The following RALYL variants were observed in gnomAD, a reference collection of about 807,000 sequenced individuals.
RALYL encodes RNA-binding Raly-like protein.
A neutral mutation model predicts 35.1 loss-of-function variants in RALYL; 29 were observed. That is an observed-to-expected ratio of 0.83 (90% CI 0.61 to 1.13). The LOEUF (loss-of-function observed/expected upper bound fraction) is 1.13. RALYL is among the 50% of genes most tolerant of loss of function. The probability of loss-of-function intolerance (pLI) is 0.00; values close to 1 mark genes in which losing one functional copy is unlikely to be tolerated. For synonymous variants in RALYL, 120 were observed against 127.6 expected (o/e 0.94, Z 0.40); for missense variants, 359 against 360.4 (o/e 1.00, Z 0.03).
intron 2 of RALYL, among the ~76,000 whole-genome samples, chr8:84,698,895 A>G (rs1290391535): frequency 1.3e-5 from 2 of 152,106 alleles, no homozygotes; most frequent in African/African-American, 4.8e-5. Flanking sequence ...AATTTTCTCT[A>G]GCTACAATCT....
At chr8:84,541,812 C>A (rs945956973) in intron 2 of RALYL, among the ~76,000 whole-genome samples, 8 of 151,952 alleles carry the variant, frequency 5.3e-5, no homozygotes, top group Non-Finnish European at 1.0e-4. Context: ...ATATCTATAT[C>A]TTTAGTAATT....
At chr8:84,328,387 A>G (rs1846213244) in intron 1 of RALYL, among the ~76,000 whole-genome samples, 1 of 152,180 alleles carries the variant, frequency 6.6e-6, no homozygotes, top group Non-Finnish European at 1.5e-5. Context: ...TTAACTCTAC[A>G]TTAATCTGAC....
chr8:84,338,740 C>T (rs1212379542), intron 1 of RALYL, among the ~76,000 whole-genome samples: 2 of 152,044 alleles, frequency 1.3e-5, no homozygotes, highest in Middle Eastern at 3.2e-3. Context: ...GATACTAACA[C>T]ATTGTCTGAC....
intron 1 of RALYL, among the ~76,000 whole-genome samples, chr8:84,228,356 G>T (rs563438860): frequency 2.0e-5 from 3 of 152,002 alleles, no homozygotes; most frequent in Admixed American, 6.6e-5. Flanking sequence ...TACCATAGAA[G>T]AATTTTGATG....
intron 3 of RALYL, among the ~76,000 whole-genome samples, chr8:84,800,758 A>C (rs530465854): frequency 2.6e-5 from 4 of 152,300 alleles, no homozygotes; most frequent in Middle Eastern, 3.4e-3. Flanking sequence ...TTGATAAATA[A>C]TTTTCTACAA....
intron 2 of RALYL, among the ~76,000 whole-genome samples, chr8:84,655,294 GT>G (rs59135306): frequency 3.1e-4 from 45 of 147,098 alleles, no homozygotes; most frequent in African/African-American, 7.5e-4. Flanking sequence ...GATTATTAGG[GT>G]TTTTTTTTTG....
intron 1 of RALYL, among the ~76,000 whole-genome samples, chr8:84,199,731 AGCACCATTTATT>A (rs546842692): frequency 2.0e-3 from 302 of 152,278 alleles, no homozygotes; most frequent in Non-Finnish European, 3.4e-3. Context: ...CAGTTTTCCC[AGCACCATTTATT>A]AAAGAAACTG....
chr8:84,524,056 G>C (rs1363005344), intron 1 of RALYL, among the ~76,000 whole-genome samples: 18 of 152,032 alleles, frequency 1.2e-4, no homozygotes, highest in Admixed American at 1.2e-3. Context: ...GGGTCAAATG[G>C]TATTTCTAGT....
At chr8:84,223,160 T>TCCTC (rs1822815532) in intron 1 of RALYL, among the ~76,000 whole-genome samples, 1 of 121,672 alleles carries the variant, frequency 8.2e-6, no homozygotes, top group African/African-American at 3.5e-5. Context: ...TTCCTTTCTT[T>TCCTC]CCTTCCTCCC....
At chr8:84,474,958 A>G (rs2053227118) in intron 1 of RALYL, among the ~76,000 whole-genome samples, 1 of 148,512 alleles carries the variant, frequency 6.7e-6, no homozygotes, top group Admixed American at 6.8e-5. Context: ...CATGGGCACA[A>G]TGTGCAGGTT....
chr8:84,588,459 G>A (rs1382507860), intron 2 of RALYL, among the ~76,000 whole-genome samples: 4 of 152,146 alleles, frequency 2.6e-5, no homozygotes, highest in African/African-American at 9.7e-5. Flanking sequence ...ATGCACTTAG[G>A]AAACTGCAGT....
intron 1 of RALYL, among the ~76,000 whole-genome samples, chr8:84,435,737 CTCTT>C (rs2047642996): frequency 6.6e-6 from 1 of 152,134 alleles, no homozygotes. Context: ...AGGCCAGCCT[CTCTT>C]TCCTGAATCT....
At chr8:84,752,015 G>C (rs977449577) in intron 2 of RALYL, among the ~76,000 whole-genome samples, 2 of 152,184 alleles carry the variant, frequency 1.3e-5, no homozygotes, top group Non-Finnish European at 2.9e-5. Flanking sequence ...AGATTGGAGG[G>C]CTCAACAGAA....
intron 3 of RALYL, among the ~76,000 whole-genome samples, chr8:84,803,164 G>A (rs557143537): frequency 6.6e-6 from 1 of 152,144 alleles, no homozygotes; most frequent in Admixed American, 6.5e-5. Context: ...TAAATGTCAG[G>A]CTGAAATTAT....
chr8:84,356,136 G>A (rs1031528465), intron 1 of RALYL, among the ~76,000 whole-genome samples: 2 of 150,142 alleles, frequency 1.3e-5, no homozygotes, highest in African/African-American at 5.0e-5. Context: ...AGGTCTCCCA[G>A]TCATGCTTCC....
At chr8:84,516,532 G>C (rs907021718) in intron 1 of RALYL, among the ~76,000 whole-genome samples, 2 of 152,024 alleles carry the variant, frequency 1.3e-5, no homozygotes, top group Admixed American at 6.6e-5. Flanking sequence ...TATGTATGAA[G>C]TTCATTTTGA....
intron 1 of RALYL, among the ~76,000 whole-genome samples, chr8:84,191,679 CA>C (rs1488523385): frequency 1.3e-5 from 2 of 152,084 alleles, no homozygotes; most frequent in East Asian, 3.9e-4. Flanking sequence ...CAATTTAAAT[CA>C]GTTTGAATTT....
chr8:84,803,188 G>C (rs3890412), intron 3 of RALYL, among the ~76,000 whole-genome samples: 3,144 of 152,212 alleles, frequency 0.021, 95 homozygotes, highest in African/African-American at 0.072. Context: ...CAAATACAGA[G>C]AGAAGGGATC....
At position 84,646,238 on chromosome 8, in the gene RALYL, C is replaced by G. The variant is rs568888596; in HGVS notation, c.256+116661C>G. Among the ~76,000 whole-genome samples, 23 of 151,718 alleles carry G rather than the reference C, an allele frequency of 1.5e-4. No homozygotes were observed. In the South Asian group the frequency reaches 4.8e-3, roughly 31 times the overall value. On this transcript the variant is annotated intron_variant, in intron 2 of 8. Transcript: ENST00000521268. ...GTTGTTTTTCTCTTTATTCAATACCCTTTATAAAATTGTCATTTGAATTCA... is the reference window on the plus strand; with the variant it reads ...GTTGTTTTTCTCTTTATTCAATACCGTTTATAAAATTGTCATTTGAATTCA...
Sources: gnomAD v4.1 joint callset for allele counts (sites outside exome capture counted in the v4.1 genomes callset) on GRCh38, gnomAD v4.1.1 for gene constraint, MANE v1.5 for transcripts, NCBI Gene and HGNC (gene_info 2026-07-23, HGNC 2026-07-21) for gene names.